Variants in FXR1 observed in about 807,000 individuals in gnomAD.
The protein encoded by FXR1 is FMR1 autosomal homolog 1, also known as RNA-binding protein FXR1.
In FXR1, 15 loss-of-function variants were observed where a neutral mutation model predicts 84.0. That is an observed-to-expected ratio of 0.18 (90% CI 0.12 to 0.27). The LOEUF (loss-of-function observed/expected upper bound fraction) is 0.27, where lower values mean the gene tolerates loss of function less well. Ranked by LOEUF, FXR1 falls within the 10% of genes least tolerant of loss-of-function variation. The pLI is 1.00. For missense variants in FXR1, 480 were observed against 774.4 expected, an observed-to-expected ratio of 0.62 and a Z score of 4.51; for synonymous variants, 245 against 250.7, an observed-to-expected ratio of 0.98 and a Z score of 0.21.
intron 1 of FXR1, among the ~76,000 whole-genome samples, chr3:180,932,167 T>C (rs770942793): frequency 6.6e-6 from 1 of 151,200 alleles, no homozygotes; most frequent in African/African-American, 2.4e-5. Flanking sequence ...CAAATCTCTT[T>C]ACTGTTAGTT....
At chr3:180,954,872 A>ATTTTTT (rs11328945) in intron 9 of FXR1, among the ~76,000 whole-genome samples, 1 of 114,582 alleles carries the variant, frequency 8.7e-6, no homozygotes, top group African/African-American at 3.4e-5. Context: ...TTCTAAAAAG[A>ATTTTTT]TTTTTTTTTT....
intron 5 of FXR1, 90 bp downstream of exon 5, chr3:180,948,585 C>A: frequency 9.5e-7 from 1 of 1,057,908 alleles, no homozygotes; most frequent in African/African-American, 1.6e-5. Flanking sequence ...CCAATCAAAC[C>A]TTCTGATGGA....
At position 180,922,031 on chromosome 3, in the gene FXR1, T is replaced by C. The variant is rs142497837; in HGVS notation, c.51+9295T>C. Among the ~76,000 whole-genome samples, 205 of 152,342 alleles carry C rather than the reference T, an allele frequency of 1.3e-3. 1 individual carries two copies. Among genetic ancestry groups the C allele is most frequent in the African/African-American group, 4.7e-3 (197 of 41,580 alleles). On this transcript the variant is annotated intron_variant, in intron 1 of 16. Transcript: ENST00000357559. ...AATAGGATCATCCACATCTTAACTA[T>C]TTTCATGTGGAGTATGATTTATTTT...
At chr3:180,968,309 CAA>C in intron 14 of FXR1, 55 bp downstream of exon 14, 1 of 1,269,126 alleles carries the variant, frequency 7.9e-7, no homozygotes, top group Non-Finnish European at 1.1e-6. Flanking sequence ...TTTAATTTTA[CAA>C]AAGTTAATTC....
intron 1 of FXR1, chr3:180,915,465 C>T (rs772577136): frequency 8.0e-6 from 11 of 1,376,632 alleles, no homozygotes; most frequent in Non-Finnish European, 1.1e-5. Context: ...TTCCATTTAG[C>T]GTAGAAGCAA....
intron 3 of FXR1, among the ~76,000 whole-genome samples, chr3:180,943,265 C>CT (rs71182562): frequency 0.19 from 5,198 of 27,728 alleles, 1,024 homozygotes; most frequent in South Asian, 0.24. Context: ...CTGTGCCCGG[C>CT]TTTTTTTTTT....
Position 180,925,313 on chromosome 3 carries a change from T to C in FXR1, c.52-8021T>C, listed in dbSNP as rs995476678. Among the ~76,000 whole-genome samples the C allele has an allele frequency of 7.3e-5, 11 of 150,682 alleles. No homozygotes were observed. The South Asian group carries it at 1.0e-3, about 14-fold the overall frequency. On this transcript the variant is annotated intron_variant, in intron 1 of 16. Coordinates refer to ENST00000357559, the MANE Select transcript of FXR1 (RefSeq NM_005087.4). ...AGGTGGAGGTTACAGTGAGCTGATA[T>C]CAGGCCATTGCACTCCGGCCTGGGC...
At chr3:180,921,739 T>TA (rs1718616529) in intron 1 of FXR1, among the ~76,000 whole-genome samples, 1 of 152,202 alleles carries the variant, frequency 6.6e-6, no homozygotes, top group African/African-American at 2.4e-5. Flanking sequence ...GACAATAAGA[T>TA]ATATTCTAAT....
chr3:180,931,629 G>A (rs1019226212), intron 1 of FXR1, among the ~76,000 whole-genome samples: 1 of 152,070 alleles, frequency 6.6e-6, no homozygotes, highest in Non-Finnish European at 1.5e-5. Flanking sequence ...GGCAGTTGGA[G>A]CTGAAGAAGA....
At chr3:180,938,244 A>G (rs1720743591) in intron 3 of FXR1, among the ~76,000 whole-genome samples, 1 of 152,228 alleles carries the variant, frequency 6.6e-6, no homozygotes, top group East Asian at 1.9e-4. Context: ...TAAAAGTATT[A>G]AAATGTACCA....
chr3:180,948,918 T>G, intron 6 of FXR1, 104 bp downstream of exon 6: 4 of 692,994 alleles, frequency 5.8e-6, no homozygotes, highest in Non-Finnish European at 1.0e-5. Flanking sequence ...TAGTGTATAG[T>G]GAATTTATTA....
chr3:180,923,742 G>C (rs189695037), intron 1 of FXR1, among the ~76,000 whole-genome samples: 3 of 152,190 alleles, frequency 2.0e-5, no homozygotes, highest in Non-Finnish European at 4.4e-5. Context: ...TTTGCAAATA[G>C]AGAAATTGTT....
At chr3:180,968,437 G>T (rs1202878725) in intron 14 of FXR1, 183 bp downstream of exon 14, 5 of 565,826 alleles carry the variant, frequency 8.8e-6, no homozygotes, top group Non-Finnish European at 1.3e-5. Flanking sequence ...CTCAGTGAAG[G>T]TTTACTTAGA....
At chr3:180,916,266 G>A (rs1306593304) in intron 1 of FXR1, among the ~76,000 whole-genome samples, 1 of 152,134 alleles carries the variant, frequency 6.6e-6, no homozygotes, top group African/African-American at 2.4e-5. Flanking sequence ...CCTTCAGAAC[G>A]TTCCATTACC....
rs980375932 is a variant in FXR1 at position 180,980,867 on chromosome 3, A to C, written c.*4575A>C. 2 of 152,026 alleles carry C rather than the reference A, an allele frequency of 1.3e-5. No individual in the cohort carries two copies. The highest frequency in any genetic ancestry group is 1.3e-4 in the Admixed American group (2 of 15,254). The allele number at this position is 152,026 out of a possible 1,614,324, so 9.4% of individuals were successfully genotyped here. On this transcript the variant is annotated 3_prime_UTR_variant, in exon 17 of 17. Coordinates refer to ENST00000357559, the MANE Select transcript of FXR1 (RefSeq NM_005087.4). ...GGTCATTCAAGTTAACTGGTACTCA[A>C]GGTTACTCATTCCAGGATACTTTAC...
intron 3 of FXR1, among the ~76,000 whole-genome samples, chr3:180,935,835 A>G (rs1017188230): frequency 3.3e-5 from 5 of 152,214 alleles, no homozygotes; most frequent in African/African-American, 1.2e-4. Flanking sequence ...AGCATCCCAA[A>G]ATGATGGGAT....
chr3:180,929,071 G>A (rs922272587), intron 1 of FXR1, among the ~76,000 whole-genome samples: 7 of 152,096 alleles, frequency 4.6e-5, no homozygotes, highest in African/African-American at 4.8e-5. Flanking sequence ...ATAGTCATGC[G>A]CCACCACACC....
chr3:180,959,200 G>T (rs1711750734), intron 10 of FXR1, among the ~76,000 whole-genome samples: 1 of 152,112 alleles, frequency 6.6e-6, no homozygotes, highest in Non-Finnish European at 1.5e-5. Flanking sequence ...CCATTACGTT[G>T]CTGTTAATTC....
intron 1 of FXR1, chr3:180,927,664 T>C (rs755755952): frequency 1.9e-6 from 1 of 535,940 alleles, no homozygotes; most frequent in African/African-American, 2.0e-5. Flanking sequence ...TAAGCACCCG[T>C]CTAAAAAAAA....
Sources: gnomAD v4.1 joint callset for allele counts (sites outside exome capture counted in the v4.1 genomes callset) on GRCh38, gnomAD v4.1.1 for gene constraint, MANE v1.5 for transcripts, NCBI Gene and HGNC (gene_info 2026-07-23, HGNC 2026-07-21) for gene names.